MBNL2: variants seen among roughly 807,000 people sequenced by gnomAD.
MBNL2 encodes the protein muscleblind like splicing regulator 2, also known as muscleblind-like protein 2.
MBNL2 carries 17 observed loss-of-function variants against 41.9 expected under a neutral mutation model. The ratio of observed to expected loss-of-function variants is 0.41; its 90% CI spans 0.28 to 0.61. The LOEUF is 0.61. Among genes scored for constraint, MBNL2 ranks in the 20% least tolerant of loss-of-function variants. The pLI, the probability that MBNL2 is intolerant of heterozygous loss-of-function variation, is 0.35. For synonymous variants in MBNL2, 195 were observed against 182.9 expected (o/e 1.07, Z -0.53); for missense variants, 336 against 505.6 (o/e 0.66, Z 3.22).
the MBNL2 span, among the ~76,000 whole-genome samples, chr13:97,190,612 C>A: frequency 2.0e-5 from 3 of 152,170 alleles, no homozygotes; most frequent in Admixed American, 2.0e-4. Flanking sequence ...TGATCCCAAG[C>A]CAGTCATTTA....
intron 2 of MBNL2, among the ~76,000 whole-genome samples, chr13:97,330,385 G>C (rs972187551): frequency 6.6e-6 from 1 of 151,978 alleles, no homozygotes; most frequent in African/African-American, 2.4e-5. Flanking sequence ...CCCCATCTCC[G>C]TCTCCACCCC....
chr13:97,288,954 C>T (rs2055232042), intron 2 of MBNL2, among the ~76,000 whole-genome samples: 1 of 152,164 alleles, frequency 6.6e-6, no homozygotes, highest in Admixed American at 6.5e-5. Context: ...AGGTTGTACC[C>T]ACACAATATT....
chr13:97,355,070 G>T (rs139036021), intron 5 of MBNL2, among the ~76,000 whole-genome samples: 1 of 152,198 alleles, frequency 6.6e-6, no homozygotes, highest in Non-Finnish European at 1.5e-5. Context: ...TGGCATTATG[G>T]AAGTTACATG....
the MBNL2 span, among the ~76,000 whole-genome samples, chr13:97,143,835 A>G: frequency 4.0e-5 from 6 of 151,768 alleles, no homozygotes; most frequent in Admixed American, 3.3e-4. Flanking sequence ...TGTTTAAATG[A>G]GTTTTTTGGT....
intron 3 of MBNL2, among the ~76,000 whole-genome samples, chr13:97,339,787 G>A (rs1246265269): frequency 6.6e-6 from 1 of 151,334 alleles, no homozygotes; most frequent in Non-Finnish European, 1.5e-5. Flanking sequence ...GCCCAGGCTG[G>A]CTGTGGGTCG....
At chr13:97,362,774 G>GTCT (rs574002929) in intron 7 of MBNL2, among the ~76,000 whole-genome samples, 53 of 152,266 alleles carry the variant, frequency 3.5e-4, no homozygotes, top group South Asian at 1.5e-3. Flanking sequence ...GACCACTTAG[G>GTCT]ATGTTATCAC....
chr13:97,288,390 C>T (rs1490600521), intron 2 of MBNL2, among the ~76,000 whole-genome samples: 1 of 152,146 alleles, frequency 6.6e-6, no homozygotes, highest in East Asian at 1.9e-4. Context: ...TTTCTGTTAG[C>T]AAATGAGGAC....
Position 97,268,873 on chromosome 13 carries a change from AT to A in MBNL2, c.-604-6756del, listed in dbSNP as rs1312197936. On this transcript the variant is annotated intron_variant, in intron 1 of 8. Coordinates refer to ENST00000679496, the MANE Select transcript of MBNL2 (RefSeq NM_001382683.1). The surrounding 1 kb of genome is among the most constrained non-coding windows in gnomAD (Gnocchi z 4.6). ...TGTGAATTAAGGAATAATGATACCT[AT>A]TTAAAAATAATGACCAGGCAGTATT... 6.6e-6 allele frequency among the ~76,000 whole-genome samples: 1 copy of A among 152,222 alleles called. No individual in the cohort carries two copies. The highest frequency in any genetic ancestry group is 1.5e-5 in the Non-Finnish European group (1 of 68,030).
At chr13:97,339,874 C>G (rs9556707) in intron 3 of MBNL2, among the ~76,000 whole-genome samples, 43,026 of 101,730 alleles carry the variant, frequency 0.42, 9,121 homozygotes, top group African/African-American at 0.61. Flanking sequence ...TGTGTGTGGG[C>G]GGGGGGGGCG....
intron 2 of MBNL2, among the ~76,000 whole-genome samples, chr13:97,279,210 G>A (rs1231258106): frequency 1.3e-5 from 2 of 152,210 alleles, no homozygotes; most frequent in Non-Finnish European, 2.9e-5. Context: ...GTGCAATACA[G>A]AGAAGCAGCA....
the MBNL2 span, among the ~76,000 whole-genome samples, chr13:97,145,959 CTTTTCTTTT>C: frequency 6.6e-5 from 2 of 30,384 alleles, no homozygotes; most frequent in East Asian, 6.8e-4. Flanking sequence ...GGGTTCTACT[CTTTTCTTTT>C]CTTTTCTTTT....
At position 97,343,716 on chromosome 13, in the gene MBNL2, T is replaced by C. The variant is rs554934583; in HGVS notation, c.540+500T>C. Among the ~76,000 whole-genome samples, 226 of 152,356 alleles carry C rather than the reference T, an allele frequency of 1.5e-3. 1 individual carries two copies. The highest frequency in any genetic ancestry group is 5.1e-3 in the African/African-American group (212 of 41,590). On this transcript the variant is annotated intron_variant, in intron 4 of 8. Coordinates refer to ENST00000679496, the MANE Select transcript of MBNL2 (RefSeq NM_001382683.1). ...TATTTCAATGTCTCAAGAACAAGCA[T>C]GGCTGCTCTAGTGTGTTCTGGCATA...
At chr13:97,236,722 G>A (rs969467701) in intron 1 of MBNL2, among the ~76,000 whole-genome samples, 2 of 151,998 alleles carry the variant, frequency 1.3e-5, no homozygotes, top group Non-Finnish European at 2.9e-5. Context: ...AACCATGAAG[G>A]GTCATGACAG....
chr13:97,279,039 G>A (rs894881207), intron 2 of MBNL2, among the ~76,000 whole-genome samples: 5 of 152,224 alleles, frequency 3.3e-5, no homozygotes, highest in African/African-American at 4.8e-5. Flanking sequence ...TTCACATTAC[G>A]AGGTTCTTGT....
the MBNL2 span, among the ~76,000 whole-genome samples, chr13:97,148,327 T>C: frequency 6.7e-6 from 1 of 149,454 alleles, no homozygotes; most frequent in African/African-American, 2.5e-5. Flanking sequence ...AGTGCTTTTC[T>C]TTTTTTTTTC....
chr13:97,217,022 CAT>C (rs1397953993), upstream of MBNL2, among the ~76,000 whole-genome samples: 6 of 147,202 alleles, frequency 4.1e-5, no homozygotes, highest in Non-Finnish European at 8.9e-5. Flanking sequence ...ATAGAATATA[CAT>C]ATAACATAAT....
chr13:97,194,546 G>A, the MBNL2 span, among the ~76,000 whole-genome samples: 3 of 152,188 alleles, frequency 2.0e-5, no homozygotes, highest in Admixed American at 6.5e-5. Flanking sequence ...AATAAGGGCA[G>A]GGTAAAATGA....
chr13:97,237,103 G>A (rs1434082170), intron 1 of MBNL2, among the ~76,000 whole-genome samples: 1 of 152,232 alleles, frequency 6.6e-6, no homozygotes, highest in Non-Finnish European at 1.5e-5. Flanking sequence ...AAGGATGGCA[G>A]GAATGCAGTT....
chr13:97,368,413 T>TAAAATAAAATAAAATAAAAC (rs2064046460), intron 8 of MBNL2, among the ~76,000 whole-genome samples: 1 of 70,284 alleles, frequency 1.4e-5, no homozygotes, highest in Admixed American at 1.4e-4. Flanking sequence ...CACCCTGTCT[T>TAAAATAAAATAAAATAAAAC]AAAATAAAAT....
Sources: allele counts gnomAD v4.1 joint callset (sites outside exome capture counted in the v4.1 genomes callset), GRCh38; gene constraint gnomAD v4.1.1; non-coding constraint Gnocchi (gnomAD v3.1); transcripts MANE v1.5; gene names NCBI Gene and HGNC (gene_info 2026-07-23, HGNC 2026-07-21).